CNTN1: variants seen among roughly 807,000 people sequenced by gnomAD.
CNTN1 encodes contactin-1.
In CNTN1, 38 loss-of-function variants were observed where a neutral mutation model predicts 126.4. The observed-to-expected ratio is 0.30, with a 90% confidence interval of 0.23 to 0.39. The LOEUF (loss-of-function observed/expected upper bound fraction) is 0.39, where lower values mean the gene tolerates loss of function less well. Among genes scored for constraint, CNTN1 ranks in the 10% least tolerant of loss-of-function variants. The pLI is 1.00. For synonymous variants in CNTN1, 413 were observed against 422.6 expected (o/e 0.98, Z 0.28); for missense variants, 1,009 against 1,248.4 (o/e 0.81, Z 2.89).
intron 1 of CNTN1, among the ~76,000 whole-genome samples, chr12:40,708,967 C>A (rs1231355037): frequency 6.6e-6 from 1 of 152,214 alleles, no homozygotes; most frequent in Non-Finnish European, 1.5e-5. Flanking sequence ...CCTGTTAATA[C>A]TGATACTTCG....
intron 18 of CNTN1, among the ~76,000 whole-genome samples, chr12:41,015,237 A>G (rs188373665): frequency 6.6e-6 from 1 of 152,316 alleles, no homozygotes; most frequent in Admixed American, 6.5e-5. Flanking sequence ...ATTTATTTCT[A>G]AGTTTAACTG....
chr12:41,033,609 T>G (rs929017233), intron 23 of CNTN1, among the ~76,000 whole-genome samples: 1 of 152,238 alleles, frequency 6.6e-6, no homozygotes, highest in East Asian at 1.9e-4. Context: ...CATTTGAAAT[T>G]TTTAAGGTAG....
At chr12:40,793,933 A>G (rs1940314186) in intron 1 of CNTN1, among the ~76,000 whole-genome samples, 2 of 147,602 alleles carry the variant, frequency 1.4e-5, no homozygotes, top group Admixed American at 7.0e-5. Context: ...AACCTAATAC[A>G]TTAGAAATGT....
intron 1 of CNTN1, among the ~76,000 whole-genome samples, chr12:40,788,004 C>T (rs531454019): frequency 4.5e-4 from 68 of 152,180 alleles, no homozygotes; most frequent in African/African-American, 1.6e-3. Flanking sequence ...GTGTATCTCC[C>T]CTGAGCCTCA....
chr12:40,917,335 T>G (rs868647402), intron 3 of CNTN1, among the ~76,000 whole-genome samples: 8 of 152,154 alleles, frequency 5.3e-5, no homozygotes, highest in Non-Finnish European at 1.0e-4. Context: ...ATTGCCATCT[T>G]TCATGAATTG....
At position 40,933,763 on chromosome 12, in the gene CNTN1, C is replaced by A. The variant is rs764202885; in HGVS notation, c.870C>A (p.Thr290=). The A allele has an allele frequency of 6.2e-7, 1 of 1,612,678 alleles. No individual in the cohort carries two copies. The highest frequency in any genetic ancestry group is 1.3e-5 in the African/African-American group (1 of 74,830). The part of the protein sequence containing the change: ...EPMPSTAEIS[T]SGAVLKIFNI... ...TGCCAAGCACTGCTGAGATTAGCACCTCTGGGGCTGTTCTTAAGATCTTCA... is the reference window on the plus strand; with the variant it reads ...TGCCAAGCACTGCTGAGATTAGCACATCTGGGGCTGTTCTTAAGATCTTCA... The change falls in exon 9 of 24, where the codon ACC becomes ACA. Residue 290 remains threonine (T), a synonymous_variant. Transcript: ENST00000551295.
At chr12:40,778,228 T>C (rs1366491776) in intron 1 of CNTN1, among the ~76,000 whole-genome samples, 4 of 151,874 alleles carry the variant, frequency 2.6e-5, no homozygotes, top group Admixed American at 6.6e-5. Context: ...ATTTCCATGT[T>C]ATCATCATAT....
intron 1 of CNTN1, among the ~76,000 whole-genome samples, chr12:40,877,580 T>C (rs577882191): frequency 1.3e-5 from 2 of 152,346 alleles, no homozygotes; most frequent in African/African-American, 4.8e-5. Flanking sequence ...TCTACTTTTA[T>C]TGTTGTTAAT....
chr12:40,924,494 A>T (rs928145355), intron 5 of CNTN1, 63 bp from the exon 6 acceptor site: 8 of 886,848 alleles, frequency 9.0e-6, no homozygotes, highest in Non-Finnish European at 1.5e-5. Flanking sequence ...GGTAAAATTG[A>T]TGAATGTCTC....
chr12:41,065,078 C>T (rs888653403), intron 23 of CNTN1, among the ~76,000 whole-genome samples: 7 of 151,960 alleles, frequency 4.6e-5, no homozygotes, highest in East Asian at 1.9e-4. Context: ...TTTTTTGAGA[C>T]GGAGTCTCGC....
intron 15 of CNTN1, chr12:40,971,693 AC>A: frequency 1.4e-5 from 20 of 1,395,746 alleles, no homozygotes; most frequent in Non-Finnish European, 1.8e-5. Flanking sequence ...TTAAAATATA[AC>A]TATAATGCTT....
chr12:40,994,167 C>T (rs1239871636), intron 17 of CNTN1, among the ~76,000 whole-genome samples: 2 of 151,950 alleles, frequency 1.3e-5, no homozygotes, highest in Non-Finnish European at 1.5e-5. Context: ...ATAAATAATA[C>T]AGATAATATT....
chr12:40,909,833 ATTATC>A lies in CNTN1; in HGVS notation c.62-235_62-231del, dbSNP rs1445465069. ...TTTTTGTGAATAAAATAAAATAAAA[ATTATC>A]TTATTATTACTGAAAATTCATACGA... On this transcript the variant is annotated intron_variant, in intron 2 of 23. Coordinates refer to ENST00000551295, the MANE Select transcript of CNTN1 (RefSeq NM_001843.4). Among the ~76,000 whole-genome samples, 7 of 151,874 alleles carry A rather than the reference ATTATC, an allele frequency of 4.6e-5. No homozygotes were observed. In the South Asian group the frequency reaches 6.2e-4, roughly 14 times the overall value.
chr12:40,773,633 G>GTGTATATATATA (rs1555155525), intron 1 of CNTN1, among the ~76,000 whole-genome samples: 3 of 46,636 alleles, frequency 6.4e-5, no homozygotes, highest in Non-Finnish European at 1.4e-4. Flanking sequence ...ACCAGAAACT[G>GTGTATATATATA]TATATATATA....
intron 15 of CNTN1, among the ~76,000 whole-genome samples, chr12:40,973,042 C>G (rs1011393421): frequency 6.6e-6 from 1 of 151,938 alleles, no homozygotes; most frequent in Non-Finnish European, 1.5e-5. Context: ...AATCATAGGA[C>G]AGATGTGACT....
chr12:40,833,219 C>T (rs538260471), intron 1 of CNTN1, among the ~76,000 whole-genome samples: 6 of 152,236 alleles, frequency 3.9e-5, no homozygotes, highest in East Asian at 3.9e-4. Flanking sequence ...CTCGGCCTCC[C>T]GAGTAGCTGG....
rs573461995 is a variant in CNTN1, at chr12:40,701,106, C to T, written c.-77+8514C>T. Among the ~76,000 whole-genome samples the T allele has an allele frequency of 3.9e-5, 6 of 152,276 alleles. No homozygotes were observed. The East Asian group carries it at 9.6e-4, about 24-fold the overall frequency. On this transcript the variant is annotated intron_variant, in intron 1 of 23. Transcript: ENST00000551295. Reference sequence around the variant, plus strand: ...GCTGGTTTTAGTACTTTGTGAGTCACGGTTTAAAATGCTGCTATTCTAAGT... The same window carrying T: ...GCTGGTTTTAGTACTTTGTGAGTCATGGTTTAAAATGCTGCTATTCTAAGT...
At chr12:40,740,172 C>A (rs1937876777) in intron 1 of CNTN1, among the ~76,000 whole-genome samples, 1 of 152,036 alleles carries the variant, frequency 6.6e-6, no homozygotes, top group African/African-American at 2.4e-5. Context: ...TATAAATCTA[C>A]TGTAATTAAA....
intron 1 of CNTN1, among the ~76,000 whole-genome samples, chr12:40,773,047 G>A (rs981234256): frequency 6.6e-5 from 10 of 151,766 alleles, no homozygotes; most frequent in African/African-American, 2.4e-4. Flanking sequence ...ATCTTAGATA[G>A]GCAAATGTGT....
Sources: allele counts gnomAD v4.1 joint callset (sites outside exome capture counted in the v4.1 genomes callset), GRCh38; gene constraint gnomAD v4.1.1; transcripts MANE v1.5; gene names NCBI Gene and HGNC (gene_info 2026-07-23, HGNC 2026-07-21).